Variants in ETNK1 observed in about 807,000 individuals in gnomAD.
ETNK1 encodes the protein ethanolamine kinase 1.
In ETNK1, 8 loss-of-function variants were observed where a neutral mutation model predicts 45.1. The observed-to-expected ratio is 0.18, with a 90% CI of 0.10 to 0.32. ETNK1 has a LOEUF of 0.32. Among genes scored for constraint, ETNK1 ranks in the 10% least tolerant of loss-of-function variants. The probability of loss-of-function intolerance (pLI) is 1.00; values close to 1 mark genes in which losing one functional copy is unlikely to be tolerated. For missense variants in ETNK1, 302 were observed against 430.6 expected, an observed-to-expected ratio of 0.70 and a Z score of 2.64; for synonymous variants, 152 against 151.9, an observed-to-expected ratio of 1.00 and a Z score of -0.01.
At chr12:22,656,106 G>T (rs1953937730) in intron 2 of ETNK1, among the ~76,000 whole-genome samples, 1 of 152,098 alleles carries the variant, frequency 6.6e-6, no homozygotes, top group Non-Finnish European at 1.5e-5. Flanking sequence ...TGGAGTTGTG[G>T]CCATACTGTT....
At chr12:22,662,559 T>C (rs1257175725) in intron 4 of ETNK1, among the ~76,000 whole-genome samples, 1 of 152,104 alleles carries the variant, frequency 6.6e-6, no homozygotes, top group Non-Finnish European at 1.5e-5. Context: ...CATACCTGAC[T>C]AATTTCAAAA....
chr12:22,657,157 A>T (rs1953953003), intron 2 of ETNK1, among the ~76,000 whole-genome samples: 1 of 152,188 alleles, frequency 6.6e-6, no homozygotes, highest in Admixed American at 6.5e-5. Context: ...ACTAACATAA[A>T]AATAGATTTG....
At chr12:22,625,853 A>G (rs1953487518) in intron 1 of ETNK1, 1 of 679,484 alleles carries the variant, frequency 1.5e-6, no homozygotes. Flanking sequence ...ACGGGGGGAG[A>G]TTCCTGCTGA....
chr12:22,625,529 C>T lies in ETNK1; in HGVS notation c.99C>T (p.Ala33=). The T allele has an allele frequency of 6.2e-7, 1 of 1,605,658 alleles. No individual in the cohort carries two copies. The highest frequency in any genetic ancestry group is 8.5e-7 in the Non-Finnish European group (1 of 1,176,664). Residue 33 remains alanine (A), a synonymous_variant, in exon 1 of 8, where the codon GCC becomes GCT. Transcript: ENST00000266517. ...DQEEHRCREG[A]LSLLQHLRPH... is the part of the protein sequence containing the mutation. ...AGGAGCATCGCTGCCGGGAGGGGGC[C>T]CTGAGCCTCCTGCAACACCTGCGGC...
chr12:22,642,791 C>T (rs1953756080), intron 1 of ETNK1, among the ~76,000 whole-genome samples: 1 of 151,952 alleles, frequency 6.6e-6, no homozygotes, highest in East Asian at 1.9e-4. Context: ...CTCTTTTCTT[C>T]CTTTGTTCCA....
At chr12:22,663,810 C>G (rs977517351) in intron 4 of ETNK1, among the ~76,000 whole-genome samples, 2 of 148,892 alleles carry the variant, frequency 1.3e-5, no homozygotes, top group Non-Finnish European at 3.0e-5. Context: ...TTTTCTTTGT[C>G]TTTGTGGTTA....
chr12:22,687,938 G>T lies in ETNK1; in HGVS notation c.*2984G>T, dbSNP rs1015186523. On this transcript the variant is annotated 3_prime_UTR_variant, in exon 8 of 8. Coordinates refer to ENST00000266517, the MANE Select transcript of ETNK1 (RefSeq NM_018638.5). The stretch of plus-strand genomic sequence containing the variant: ...GGTTTGTCGGCTTTGGTTAATGTCA[G>T]TACTCATTTATTTAGCCTCTCAGTG... 1.3e-5 allele frequency: 2 copies of T among 152,158 alleles called. No individual in the cohort carries two copies. Among genetic ancestry groups the T allele is most frequent in the African/African-American group, 4.8e-5 (2 of 41,384 alleles). 9.4% of individuals were successfully genotyped at this position (152,158 alleles called of 1,614,324 possible). A position where few individuals can be genotyped will look rare whatever the true frequency, so the allele number is the denominator to read the frequency against.
intron 2 of ETNK1, among the ~76,000 whole-genome samples, chr12:22,649,067 T>C (rs1953842487): frequency 6.6e-6 from 1 of 152,144 alleles, no homozygotes; most frequent in African/African-American, 2.4e-5. Flanking sequence ...GGGTTGTTTG[T>C]GTTCTTATTG....
intron 2 of ETNK1, among the ~76,000 whole-genome samples, chr12:22,646,995 A>G (rs12317298): frequency 0.047 from 7,087 of 151,870 alleles, 543 homozygotes; most frequent in African/African-American, 0.16. Flanking sequence ...ATTTGAACTG[A>G]ACTTTGAAGG....
chr12:22,678,793 C>G (rs1324866298), intron 6 of ETNK1, among the ~76,000 whole-genome samples: 1 of 152,224 alleles, frequency 6.6e-6, no homozygotes, highest in Non-Finnish European at 1.5e-5. Context: ...GTTGTCATGA[C>G]AAGACTTCAA....
chr12:22,684,546 G>T lies in ETNK1; in HGVS notation c.1009G>T (p.Asp337Tyr). 6.2e-7 allele frequency: 1 copy of T among 1,604,568 alleles called. No homozygotes were observed. Among genetic ancestry groups the T allele is most frequent in the Non-Finnish European group, 8.5e-7 (1 of 1,173,276 alleles). Residue 337 changes from aspartate to tyrosine, a missense_variant, in exon 7 of 8, where the codon GAT becomes TAT. Asp to Tyr is a radical substitution (Grantham distance 160, BLOSUM62 -3). Transcript: ENST00000266517. The stretch of plus-strand genomic sequence containing the variant: ...AGCCAAATACTCCACTATTGAGTTT[G>T]ATTTCCTTGGGTAAGTTAAATTTTA... Reference protein sequence around the residue: ...IQAKYSTIEFDFLGYAIVRFN... With the variant: ...IQAKYSTIEFYFLGYAIVRFN...
chr12:22,659,060 A>G lies in ETNK1; in HGVS notation c.463A>G (p.Asn155Asp). ...LAKIHAIHAH[N>D]GWIPKSNLWL... ...TAAAATCCATGCTATTCATGCACAC[A>G]ATGGCTGGATCCCCAAATCTAATCT... Residue 155 changes from asparagine (N) to aspartate (D), a missense_variant, in exon 3 of 8, where the codon AAT (asparagine) becomes GAT (aspartate). By Grantham distance (23) the Asn-to-Asp change is conservative. Coordinates refer to ENST00000266517, the MANE Select transcript of ETNK1 (RefSeq NM_018638.5). 6.2e-7 allele frequency: 1 copy of G among 1,614,024 alleles called. No homozygotes were observed. The highest frequency in any genetic ancestry group is 8.5e-7 in the Non-Finnish European group (1 of 1,179,940).
chr12:22,636,536 A>G (rs1953657387), intron 1 of ETNK1, among the ~76,000 whole-genome samples: 1 of 152,112 alleles, frequency 6.6e-6, no homozygotes, highest in South Asian at 2.1e-4. Flanking sequence ...ATATTTCATT[A>G]AGGTCTATTT....
At chr12:22,668,100 T>C (rs1954072164) in intron 4 of ETNK1, among the ~76,000 whole-genome samples, 1 of 152,218 alleles carries the variant, frequency 6.6e-6, no homozygotes, top group East Asian at 1.9e-4. Flanking sequence ...TTCTTTACTT[T>C]TTAAAGGTCA....
At chr12:22,673,729 A>G in intron 6 of ETNK1, 69 bp downstream of exon 6, 2 of 1,399,844 alleles carry the variant, frequency 1.4e-6, no homozygotes, top group South Asian at 1.4e-5. Context: ...AATTTTCGTC[A>G]TCTTAGACAA....
At chr12:22,631,364 G>A (rs541091790) in intron 1 of ETNK1, among the ~76,000 whole-genome samples, 2 of 152,022 alleles carry the variant, frequency 1.3e-5, no homozygotes, top group African/African-American at 2.4e-5. Context: ...TAGTAGAGAC[G>A]GGGTTTCTTC....
chr12:22,648,682 C>T (rs1953837360), intron 2 of ETNK1, among the ~76,000 whole-genome samples: 1 of 151,894 alleles, frequency 6.6e-6, no homozygotes, highest in Non-Finnish European at 1.5e-5. Context: ...TATAAGAATC[C>T]CTGTGCAAAT....
intron 1 of ETNK1, among the ~76,000 whole-genome samples, chr12:22,634,907 C>T (rs1328986233): frequency 6.6e-6 from 1 of 152,076 alleles, no homozygotes; most frequent in Non-Finnish European, 1.5e-5. Context: ...TAGTTTTGTC[C>T]TTCATTATTT....
chr12:22,674,526 G>A (rs553522185), intron 6 of ETNK1, among the ~76,000 whole-genome samples: 23 of 152,228 alleles, frequency 1.5e-4, no homozygotes, highest in African/African-American at 4.8e-4. Context: ...TCTATTTTCA[G>A]TACAGTTACT....
Sources: gnomAD v4.1 joint callset for allele counts (sites outside exome capture counted in the v4.1 genomes callset) on GRCh38, gnomAD v4.1.1 for gene constraint, MANE v1.5 for transcripts, NCBI Gene and HGNC (gene_info 2026-07-23, HGNC 2026-07-21) for gene names.